TRANK1: variants seen among roughly 807,000 people sequenced by gnomAD.
The protein encoded by TRANK1 is TPR and ankyrin repeat-containing protein 1.
TRANK1 carries 198 observed loss-of-function variants against 266.0 expected under a neutral mutation model. The ratio of observed to expected loss-of-function variants is 0.74; its 90% confidence interval spans 0.66 to 0.84. The LOEUF (loss-of-function observed/expected upper bound fraction) is 0.84, where lower values mean the gene tolerates loss of function less well. TRANK1 is among the 40% of genes least tolerant of loss of function. TRANK1 has a pLI of 0.00. For synonymous variants in TRANK1, 1,396 were observed against 1,384.1 expected (o/e 1.01, Z -0.19); for missense variants, 3,326 against 3,634.6 (o/e 0.92, Z 2.18).
rs1429005301 is a variant in TRANK1, at chr3:36,883,461, G to A, written c.907+6368C>T. ...CTCTGTCTCAAAAAAAAAAAAAAAC[G>A]CAGAGAAAAGAAAAGAGAAGAAAGA... On this transcript the variant is annotated intron_variant, in intron 8 of 23. Coordinates refer to ENST00000645898, the MANE Select transcript of TRANK1 (RefSeq NM_001329998.2). Among the ~76,000 whole-genome samples, 9 of 141,570 alleles carry A rather than the reference G, an allele frequency of 6.4e-5. No homozygotes were observed. The East Asian group carries it at 1.2e-3, about 19-fold the overall frequency. The allele number at this position is 141,570 out of a possible 152,430, so 92.9% of individuals were successfully genotyped here.
chr3:36,922,122 G>A (rs2080224241), intron 1 of TRANK1, among the ~76,000 whole-genome samples: 1 of 151,858 alleles, frequency 6.6e-6, no homozygotes, highest in African/African-American at 2.4e-5. Flanking sequence ...CTCCAGCCTG[G>A]GTGACAAAGT....
chr3:36,854,788 T>C (rs1317224874), intron 13 of TRANK1, among the ~76,000 whole-genome samples: 1 of 152,070 alleles, frequency 6.6e-6, no homozygotes, highest in Non-Finnish European at 1.5e-5. Context: ...TCCTTCTCTT[T>C]GGGAGAAAAC....
chr3:36,828,182 A>G lies in TRANK1; in HGVS notation c.*93T>C. ...AGACTCCCCTATTTTTAAAATGCTA[A>G]TTCACATTCTTTTTGTCTTCTGCCC... On this transcript the variant is annotated 3_prime_UTR_variant, in exon 24 of 24. Coordinates refer to ENST00000645898, the MANE Select transcript of TRANK1 (RefSeq NM_001329998.2). The G allele has an allele frequency of 1.1e-6, 1 of 909,554 alleles. No homozygotes were observed. The highest frequency in any genetic ancestry group is 1.5e-5 in the South Asian group (1 of 67,464). The allele number at this position is 909,554 out of a possible 1,614,324, so 56.3% of individuals were successfully genotyped here.
At chr3:36,917,047 C>T (rs926267342) in intron 1 of TRANK1, among the ~76,000 whole-genome samples, 6 of 152,086 alleles carry the variant, frequency 3.9e-5, no homozygotes, top group Non-Finnish European at 7.4e-5. Flanking sequence ...AACTCCTGAC[C>T]TCAAATGACC....
chr3:36,871,148 G>A (rs1204195146), intron 9 of TRANK1, among the ~76,000 whole-genome samples: 1 of 152,018 alleles, frequency 6.6e-6, no homozygotes, highest in Non-Finnish European at 1.5e-5. Context: ...CAGCACTTTG[G>A]GAGGCGAAGG....
chr3:36,928,918 A>G (rs2080324352), intron 1 of TRANK1, among the ~76,000 whole-genome samples: 1 of 152,198 alleles, frequency 6.6e-6, no homozygotes, highest in Non-Finnish European at 1.5e-5. Context: ...TTCAATTTAT[A>G]AAAAATAAAA....
intron 7 of TRANK1, among the ~76,000 whole-genome samples, chr3:36,891,971 C>G (rs373317692): frequency 6.6e-6 from 1 of 152,220 alleles, no homozygotes; most frequent in East Asian, 1.9e-4. Flanking sequence ...CAGGATCTGC[C>G]TAGAGTCACA....
intron 9 of TRANK1, among the ~76,000 whole-genome samples, chr3:36,870,620 T>C (rs957853490): frequency 6.6e-6 from 1 of 152,190 alleles, no homozygotes; most frequent in Non-Finnish European, 1.5e-5. Flanking sequence ...TGGAAAACTT[T>C]ACAGAAATCA....
chr3:36,929,981 A>C (rs2080339784), intron 1 of TRANK1, among the ~76,000 whole-genome samples: 1 of 152,026 alleles, frequency 6.6e-6, no homozygotes, highest in Admixed American at 6.6e-5. Context: ...ATCTCAGCTC[A>C]CTACAACCTC....
rs1381190799 is a variant in TRANK1 at position 36,857,843 on chromosome 3, C to G, written c.1879G>C (p.Glu627Gln). 8.1e-6 allele frequency: 13 copies of G among 1,613,738 alleles called. No homozygotes were observed. Among genetic ancestry groups the G allele is most frequent in the Non-Finnish European group, 1.1e-5 (13 of 1,179,912 alleles). The change falls in exon 13 of 24, where the codon GAG (glutamate) becomes CAG (glutamine). Residue 627 changes from glutamate (E) to glutamine (Q), a missense_variant. Physicochemically the swap from Glu to Gln is conservative, Grantham distance 29. Coordinates refer to ENST00000645898, the MANE Select transcript of TRANK1 (RefSeq NM_001329998.2). This position sits in a 1 kb window ranked among gnomAD's most constrained non-coding sequence, Gnocchi z 4.3. The part of the protein sequence containing the change: ...FDINFNLKNK[E>Q]GKDARHRIKK... ...ATCCGGTGCCGTGCATCTTTGCCCTCTTTGTTCTTCAGATTGAAGTTGATG... is the reference window on the plus strand; with the variant it reads ...ATCCGGTGCCGTGCATCTTTGCCCTGTTTGTTCTTCAGATTGAAGTTGATG...
intron 1 of TRANK1, among the ~76,000 whole-genome samples, chr3:36,926,720 T>C (rs903772433): frequency 1.3e-5 from 2 of 152,198 alleles, no homozygotes; most frequent in African/African-American, 4.8e-5. Context: ...TTCTCTATGG[T>C]TGGGAAACAA....
rs944893710 is a variant in TRANK1, at chr3:36,869,740, G to A, written c.1078+4386C>T. The stretch of plus-strand genomic sequence containing the variant: ...CTAAAGCTACATTATCCCATACATG[G>A]CCACTAACTTACATAAAATTACAGT... On this transcript the variant is annotated intron_variant, in intron 9 of 23. Coordinates refer to ENST00000645898, the MANE Select transcript of TRANK1 (RefSeq NM_001329998.2). Among the ~76,000 whole-genome samples the A allele has an allele frequency of 3.9e-5, 6 of 152,320 alleles. No individual in the cohort carries two copies. In the South Asian group the frequency reaches 6.2e-4, roughly 16 times the overall value.
intron 1 of TRANK1, among the ~76,000 whole-genome samples, chr3:36,927,611 G>T (rs543656916): frequency 7.2e-5 from 11 of 152,212 alleles, no homozygotes; most frequent in African/African-American, 2.6e-4. Context: ...TAATAAATCT[G>T]CCCTTCTTCA....
chr3:36,884,749 A>G (rs2079577422), intron 8 of TRANK1, among the ~76,000 whole-genome samples: 1 of 152,152 alleles, frequency 6.6e-6, no homozygotes, highest in East Asian at 1.9e-4. Context: ...CCTGGCCAAC[A>G]TGGTGAAACC....
intron 8 of TRANK1, chr3:36,880,297 C>A: frequency 2.5e-6 from 1 of 399,750 alleles, no homozygotes; most frequent in South Asian, 2.0e-5. Flanking sequence ...CCATTTGAGT[C>A]TTTCCACCTC....
At position 36,858,889 on chromosome 3, in the gene TRANK1, G is replaced by T; in HGVS notation, c.1501C>A (p.Pro501Thr). 6.5e-7 allele frequency: 1 copy of T among 1,534,912 alleles called. No homozygotes were observed. Among genetic ancestry groups the T allele is most frequent in the East Asian group, 2.4e-5 (1 of 40,886 alleles). ...LGCLIDSGAL[P>T]DGLQESQERP... ...TCCTGGCTCTCCTGAAGACCATCAGGCAAGGCTGGGAGAGGAGAGAAGGGA... is the reference window on the plus strand; with the variant it reads ...TCCTGGCTCTCCTGAAGACCATCAGTCAAGGCTGGGAGAGGAGAGAAGGGA... The change falls in exon 12 of 24, where the codon CCT becomes ACT. Residue 501 changes from proline (P) to threonine (T), a missense_variant. Pro to Thr is a conservative substitution (Grantham distance 38, BLOSUM62 -1). Coordinates refer to ENST00000645898, the MANE Select transcript of TRANK1 (RefSeq NM_001329998.2).
intron 20 of TRANK1, 93 bp from the exon 21 acceptor site, chr3:36,835,000 T>C (rs1308743665): frequency 1.6e-6 from 2 of 1,256,948 alleles, no homozygotes; most frequent in South Asian, 1.6e-5. Context: ...AGGATAGTCA[T>C]ATGTCTGCTT....
intron 4 of TRANK1, among the ~76,000 whole-genome samples, chr3:36,896,053 TAAGG>T (rs756053333): frequency 2.0e-5 from 3 of 152,182 alleles, no homozygotes; most frequent in Non-Finnish European, 4.4e-5. Flanking sequence ...AATAAACCAC[TAAGG>T]AAGTGCCTAT....
At chr3:36,926,050 C>A (rs1297232586) in intron 1 of TRANK1, among the ~76,000 whole-genome samples, 1 of 152,064 alleles carries the variant, frequency 6.6e-6, no homozygotes, top group Non-Finnish European at 1.5e-5. Context: ...AGATTACTGC[C>A]CAGACAAAAT....
Sources: gnomAD v4.1 joint callset for allele counts (sites outside exome capture counted in the v4.1 genomes callset) on GRCh38, gnomAD v4.1.1 for gene constraint, Gnocchi (gnomAD v3.1) non-coding constraint, MANE v1.5 for transcripts, NCBI Gene and HGNC (gene_info 2026-07-23, HGNC 2026-07-21) for gene names.